Variants in SLC22A9 observed in about 807,000 individuals in gnomAD.
SLC22A9 encodes solute carrier family 22 member 9.
A neutral mutation model predicts 50.1 loss-of-function variants in SLC22A9; 64 were observed. The observed-to-expected ratio is 1.28, with a 90% CI of 1.04 to 1.57. SLC22A9 has a LOEUF of 1.57. Ranked by LOEUF, SLC22A9 falls within the 40% of genes most tolerant of loss-of-function variation. The probability of loss-of-function intolerance (pLI) is 0.00; values close to 1 mark genes in which losing one functional copy is unlikely to be tolerated. For synonymous variants in SLC22A9, 261 were observed against 242.5 expected (o/e 1.08, Z -0.71); for missense variants, 757 against 676.1 (o/e 1.12, Z -1.33).
chr11:63,404,638 G>A (rs770022303), intron 6 of SLC22A9, among the ~76,000 whole-genome samples: 2 of 152,310 alleles, frequency 1.3e-5, no homozygotes, highest in South Asian at 2.1e-4. Flanking sequence ...GGAGCTGGAT[G>A]TAGGGGTTTA....
intron 6 of SLC22A9, among the ~76,000 whole-genome samples, chr11:63,388,825 A>T (rs2119939514): frequency 6.6e-6 from 1 of 152,064 alleles, no homozygotes; most frequent in East Asian, 1.9e-4. Context: ...TTGCTGAAAG[A>T]CCTTTTATTA....
At chr11:63,403,608 C>G (rs1310439698) in intron 6 of SLC22A9, among the ~76,000 whole-genome samples, 1 of 151,944 alleles carries the variant, frequency 6.6e-6, no homozygotes, top group Non-Finnish European at 1.5e-5. Flanking sequence ...AAAACTCTTC[C>G]TTTAAGATCA....
In SLC22A9 at chr11:63,408,858, C is replaced by T. The variant is rs145447525; in HGVS notation, c.1580C>T (p.Thr527Ile). The T allele has an allele frequency of 6.2e-7, 1 of 1,613,912 alleles. No individual in the cohort carries two copies. The highest frequency in any genetic ancestry group is 8.5e-7 in the Non-Finnish European group (1 of 1,179,886). Residue 527 changes from threonine to isoleucine, a missense_variant, in exon 9 of 10, where the codon ACC becomes ATC. By Grantham distance (89) the Thr-to-Ile change is moderately conservative (BLOSUM62 -1). Transcript: ENST00000279178. The part of the protein sequence containing the change: ...PETRNKPLFD[T>I]IQDEKNERKD... The stretch of plus-strand genomic sequence containing the variant: ...ACCAGGAACAAGCCTCTGTTTGACA[C>T]CATCCAGGATGAGAAAAATGAGTGA...
intron 6 of SLC22A9, among the ~76,000 whole-genome samples, chr11:63,393,112 T>C (rs996091475): frequency 1.9e-4 from 29 of 152,212 alleles, no homozygotes; most frequent in Non-Finnish European, 7.4e-5. Flanking sequence ...ATTCTACCCA[T>C]CCATTAACAT....
chr11:63,391,452 G>A lies in SLC22A9; in HGVS notation c.1073+9175G>A, dbSNP rs150958002. The stretch of plus-strand genomic sequence containing the variant: ...CCAGTTATTAATATAATTGTATTGG[G>A]GTATATCTCTCTCTTTAACTCTATT... On this transcript the variant is annotated intron_variant, in intron 6 of 9. Transcript: ENST00000279178. Among the ~76,000 whole-genome samples the A allele has an allele frequency of 1.1e-4, 17 of 151,762 alleles. No homozygotes were observed. In the East Asian group the frequency reaches 3.1e-3, roughly 28 times the overall value.
Position 63,373,624 on chromosome 11 carries a change from A to G in SLC22A9, c.507-20A>G, listed in dbSNP as rs779500345. 1 of 1,518,186 alleles carries G rather than the reference A, an allele frequency of 6.6e-7. No individual in the cohort carries two copies. The highest frequency in any genetic ancestry group is 1.4e-5 in the South Asian group (1 of 73,308). The allele number at this position is 1,518,186 out of a possible 1,614,324, so 94.0% of individuals were successfully genotyped here. ...CTTGTTGTTATTGTTCCCATTATCT[A>G]ACCTGTTTCTGTTTCTCAGGTTTGG... is the stretch of plus-strand genomic sequence containing the variant. On this transcript the variant is annotated intron_variant, in intron 2 of 9. Transcript: ENST00000279178.
intron 6 of SLC22A9, among the ~76,000 whole-genome samples, chr11:63,383,805 C>G (rs1004624150): frequency 6.6e-6 from 1 of 152,132 alleles, no homozygotes; most frequent in Non-Finnish European, 1.5e-5. Flanking sequence ...AATCCCAGCA[C>G]TTTGAGAGGC....
intron 1 of SLC22A9, among the ~76,000 whole-genome samples, chr11:63,370,710 T>C (rs190581707): frequency 6.6e-6 from 1 of 152,186 alleles, no homozygotes; most frequent in Non-Finnish European, 1.5e-5. Context: ...CATTTATATA[T>C]AATATGTTAA....
rs532026142 is a variant in SLC22A9 at position 63,391,065 on chromosome 11, T to G, written c.1073+8788T>G. Among the ~76,000 whole-genome samples the G allele has an allele frequency of 3.0e-4, 46 of 152,266 alleles. 1 individual carries two copies. The highest frequency in any genetic ancestry group is 3.4e-3 in the Middle Eastern group (1 of 294). ...GAAACTTTTAAACTTCCTTCTTAAT[T>G]TATTTATTGATCCACTTGCACTCAG... On this transcript the variant is annotated intron_variant, in intron 6 of 9. Transcript: ENST00000279178.
chr11:63,377,244 AC>A (rs1768969544), intron 5 of SLC22A9, among the ~76,000 whole-genome samples: 1 of 152,100 alleles, frequency 6.6e-6, no homozygotes, highest in Non-Finnish European at 1.5e-5. Context: ...AGCAGAATAT[AC>A]GTTATTCTCC....
intron 5 of SLC22A9, among the ~76,000 whole-genome samples, chr11:63,378,680 T>C (rs1186175412): frequency 6.6e-6 from 1 of 152,172 alleles, no homozygotes; most frequent in Non-Finnish European, 1.5e-5. Flanking sequence ...AGTTTCAGGA[T>C]ACAAAATCAA....
intron 6 of SLC22A9, among the ~76,000 whole-genome samples, chr11:63,386,317 A>G (rs1055276312): frequency 2.6e-5 from 4 of 152,046 alleles, no homozygotes; most frequent in Middle Eastern, 3.2e-3. Flanking sequence ...GGCCTCATAC[A>G]ATAAATTAGG....
At chr11:63,390,924 A>G (rs979019565) in intron 6 of SLC22A9, among the ~76,000 whole-genome samples, 1 of 151,772 alleles carries the variant, frequency 6.6e-6, no homozygotes, top group Non-Finnish European at 1.5e-5. Flanking sequence ...TGTTTCTTTC[A>G]GTTTATTCTA....
At chr11:63,376,468 T>A (rs2014462897) in intron 5 of SLC22A9, among the ~76,000 whole-genome samples, 1 of 151,906 alleles carries the variant, frequency 6.6e-6, no homozygotes, top group African/African-American at 2.4e-5. Context: ...AAAGTATTAA[T>A]CTTAAAATGT....
intron 6 of SLC22A9, among the ~76,000 whole-genome samples, chr11:63,400,206 C>G (rs1390190973): frequency 6.6e-5 from 10 of 151,484 alleles, no homozygotes; most frequent in Admixed American, 6.6e-4. Flanking sequence ...GAAATTGATA[C>G]AAAAAATACA....
intron 2 of SLC22A9, among the ~76,000 whole-genome samples, chr11:63,373,145 T>TC (rs1353674445): frequency 6.6e-6 from 1 of 151,434 alleles, no homozygotes; most frequent in Non-Finnish European, 1.5e-5. Context: ...CTTTTTTTTT[T>TC]TGCCCTCCCC....
chr11:63,398,554 A>ATGGT (rs34346598), intron 6 of SLC22A9, among the ~76,000 whole-genome samples: 3,481 of 152,202 alleles, frequency 0.023, 138 homozygotes, highest in African/African-American at 0.08. Flanking sequence ...TGCTCCCTCC[A>ATGGT]TGGTTGCTGG....
intron 6 of SLC22A9, among the ~76,000 whole-genome samples, chr11:63,393,306 A>G (rs1302846968): frequency 2.0e-5 from 3 of 152,182 alleles, no homozygotes; most frequent in Admixed American, 6.6e-5. Flanking sequence ...GTTGGTGTAT[A>G]GAAGAGCAAC....
intron 6 of SLC22A9, among the ~76,000 whole-genome samples, chr11:63,390,813 C>T (rs1291821752): frequency 2.0e-5 from 3 of 152,000 alleles, no homozygotes; most frequent in African/African-American, 7.2e-5. Context: ...ATTGATTCTT[C>T]CTATCCACAC....
Sources: allele counts gnomAD v4.1 joint callset (sites outside exome capture counted in the v4.1 genomes callset), GRCh38; gene constraint gnomAD v4.1.1; transcripts MANE v1.5; gene names NCBI Gene and HGNC (gene_info 2026-07-23, HGNC 2026-07-21).